Variants in POLR3E observed in about 807,000 individuals in gnomAD.
POLR3E encodes the protein RNA polymerase III subunit E, also known as DNA-directed RNA polymerase III subunit RPC5.
A neutral mutation model predicts 96.6 loss-of-function variants in POLR3E; 41 were observed. That is an observed-to-expected ratio of 0.42 (90% CI 0.33 to 0.55). The LOEUF (loss-of-function observed/expected upper bound fraction) is 0.55. Among genes scored for constraint, POLR3E ranks in the 20% least tolerant of loss-of-function variants. POLR3E has a pLI of 0.06. For synonymous variants in POLR3E, 396 were observed against 383.6 expected (o/e 1.03, Z -0.38); for missense variants, 849 against 952.1 (o/e 0.89, Z 1.43).
At chr16:22,305,478 T>A in intron 3 of POLR3E, 1 of 663,996 alleles carries the variant, frequency 1.5e-6, no homozygotes, top group Admixed American at 2.1e-5. Flanking sequence ...CATCACACCA[T>A]AGCTGCGAGA....
rs1367619344 is a variant in POLR3E, at chr16:22,322,945, G to T, written c.1068+14G>T. On this transcript the variant is annotated intron_variant, in intron 14 of 20. Coordinates refer to ENST00000299853, the MANE Select transcript of POLR3E (RefSeq NM_018119.4). This position sits in a 1 kb window ranked among gnomAD's most constrained non-coding sequence, Gnocchi z 5.2. Reference sequence around the variant, plus strand: ...CGAGACTTCGTTGTAAGTACCTTGGGTTCTCTGGACTCACGGTGGGGGCGT... The same window carrying T: ...CGAGACTTCGTTGTAAGTACCTTGGTTTCTCTGGACTCACGGTGGGGGCGT... 6.3e-7 allele frequency: 1 copy of T among 1,593,438 alleles called. No homozygotes were observed. Among genetic ancestry groups the T allele is most frequent in the Non-Finnish European group, 8.6e-7 (1 of 1,163,606 alleles).
chr16:22,327,329 G>C (rs943098979), intron 18 of POLR3E: 2 of 152,354 alleles, frequency 1.3e-5, no homozygotes, highest in Non-Finnish European at 2.9e-5. Context: ...GGGAGGTACT[G>C]GCAGAGTTCG....
intron 16 of POLR3E, 117 bp downstream of exon 16, chr16:22,324,777 C>G: frequency 8.6e-7 from 1 of 1,158,778 alleles, no homozygotes; most frequent in African/African-American, 1.5e-5. Flanking sequence ...GGGGAGAGCG[C>G]AGTTGGGCTG....
Position 22,309,272 on chromosome 16 carries a change from C to T in POLR3E, c.282-156C>T, listed in dbSNP as rs1452296728. On this transcript the variant is annotated intron_variant, in intron 5 of 20. Coordinates refer to ENST00000299853, the MANE Select transcript of POLR3E (RefSeq NM_018119.4). ...AACAAGGCCATGGGTTTTCTCATCC[C>T]CAGGCTGCCCTCCTGAGACCCGCGT... The T allele has an allele frequency of 9.7e-6, 7 of 725,080 alleles. No homozygotes were observed. The Middle Eastern group carries it at 7.4e-4, about 77-fold the overall frequency. The allele number at this position is 725,080 out of a possible 1,614,324, so 44.9% of individuals were successfully genotyped here.
intron 19 of POLR3E, 34 bp downstream of exon 19, chr16:22,328,621 G>C: frequency 1.3e-6 from 2 of 1,580,240 alleles, no homozygotes; most frequent in East Asian, 2.2e-5. Context: ...TTCCCGAAGA[G>C]CCAGGGGGGT....
intron 2 of POLR3E, 57 bp from the exon 3 acceptor site, chr16:22,305,099 C>G (rs577207729): frequency 1.8e-4 from 255 of 1,387,290 alleles, no homozygotes; most frequent in Non-Finnish European, 1.2e-4. Flanking sequence ...TGGCATAGCC[C>G]GGGGAGGTCA....
chr16:22,300,773 A>G (rs139659871), intron 1 of POLR3E, among the ~76,000 whole-genome samples: 362 of 152,164 alleles, frequency 2.4e-3, no homozygotes, highest in African/African-American at 8.3e-3. Flanking sequence ...TTCTCTTTCT[A>G]CCCGCTCCAT....
chr16:22,324,622 C>G lies in POLR3E; in HGVS notation c.1248C>G (p.Val416=). The change falls in exon 16 of 21, where the codon GTC becomes GTG. Residue 416 remains valine (V), a synonymous_variant. Coordinates refer to ENST00000299853, the MANE Select transcript of POLR3E (RefSeq NM_018119.4). ...GEFIKKHPDV[V]QRQHMLWTGI... is the part of the protein sequence containing the mutation. Reference sequence around the variant, plus strand: ...TCATCAAGAAGCACCCGGATGTGGTCCAGCGGCAGCACATGCTGTGGACGG... The same window carrying G: ...TCATCAAGAAGCACCCGGATGTGGTGCAGCGGCAGCACATGCTGTGGACGG... The G allele has an allele frequency of 1.4e-5, 22 of 1,613,824 alleles. No homozygotes were observed. Among genetic ancestry groups the G allele is most frequent in the Non-Finnish European group, 1.9e-5 (22 of 1,179,934 alleles).
chr16:22,333,199 T>TC (rs2048779534), intron 20 of POLR3E, among the ~76,000 whole-genome samples: 1 of 149,864 alleles, frequency 6.7e-6, no homozygotes. Context: ...ACACCTGTAA[T>TC]CCCAGCGCTT....
At chr16:22,299,291 A>AG (rs1359829889) in intron 1 of POLR3E, among the ~76,000 whole-genome samples, 12 of 152,048 alleles carry the variant, frequency 7.9e-5, no homozygotes, top group African/African-American at 2.9e-4. Context: ...CTGGATGGTG[A>AG]GGGGAAGACA....
At chr16:22,301,125 G>T (rs2048011088) in intron 1 of POLR3E, among the ~76,000 whole-genome samples, 1 of 141,358 alleles carries the variant, frequency 7.1e-6, no homozygotes, top group South Asian at 2.6e-4. Flanking sequence ...GCAAAAACCG[G>T]AAAGAGGTGA....
rs762296208 is a variant in POLR3E, at chr16:22,325,939, C to T, written c.1527C>T (p.Asp509=). ...CCGTGAGCGAGGAGGGCGAGGAGGA[C>T]GAGGAGCAGGAGGCGGAGGAGGAGC... ...EEPVSEEGEE[D]EEQEAEEEPM... is the part of the protein sequence containing the mutation. The change falls in exon 18 of 21, where the codon GAC becomes GAT. Residue 509 remains aspartate (D), a synonymous_variant. Transcript: ENST00000299853. The T allele has an allele frequency of 1.9e-5, 31 of 1,594,388 alleles. No individual in the cohort carries two copies. Among genetic ancestry groups the T allele is most frequent in the East Asian group, 6.8e-5 (3 of 43,980 alleles).
chr16:22,309,142 C>T, intron 5 of POLR3E, 102 bp downstream of exon 5: 1 of 789,764 alleles, frequency 1.3e-6, no homozygotes, highest in Non-Finnish European at 2.1e-6. Flanking sequence ...CACTGGGCTC[C>T]CCACCAGTGT....
intron 3 of POLR3E, chr16:22,305,442 G>C (rs765654172): frequency 1.5e-6 from 1 of 687,500 alleles, no homozygotes; most frequent in East Asian, 2.8e-5. Flanking sequence ...GGGGCTCTGG[G>C]GTCAGACCGG....
At chr16:22,330,450 C>T (rs1470238256) in intron 19 of POLR3E, among the ~76,000 whole-genome samples, 1 of 152,176 alleles carries the variant, frequency 6.6e-6, no homozygotes, top group Non-Finnish European at 1.5e-5. Context: ...AAAATCTATC[C>T]ATTGTAGAGC....
intron 4 of POLR3E, 187 bp downstream of exon 4, chr16:22,308,412 G>A: frequency 1.7e-6 from 1 of 595,802 alleles, no homozygotes; most frequent in East Asian, 2.9e-5. Context: ...GAGAGGCCAG[G>A]GACGCATGAG....
chr16:22,303,673 C>T, intron 2 of POLR3E, among the ~76,000 whole-genome samples: 1 of 123,752 alleles, frequency 8.1e-6, no homozygotes, highest in African/African-American at 4.8e-5. Flanking sequence ...CAGAGTCTTG[C>T]TCTGTTGCCC....
intron 1 of POLR3E, 106 bp from the exon 2 acceptor site, chr16:22,302,825 G>A (rs931400178): frequency 7.9e-6 from 6 of 762,246 alleles, no homozygotes; most frequent in South Asian, 7.4e-5. Context: ...AAGGTCAGTT[G>A]GTTGGTTGTG....
At chr16:22,308,488 G>A in intron 4 of POLR3E, 1 of 519,544 alleles carries the variant, frequency 1.9e-6, no homozygotes, top group Non-Finnish European at 3.5e-6. Context: ...AGGGCGGGCG[G>A]GTGAACATGG....
Sources: gnomAD v4.1 joint callset for allele counts (sites outside exome capture counted in the v4.1 genomes callset) on GRCh38, gnomAD v4.1.1 for gene constraint, Gnocchi (gnomAD v3.1) non-coding constraint, MANE v1.5 for transcripts, NCBI Gene and HGNC (gene_info 2026-07-23, HGNC 2026-07-21) for gene names.